Variants in GRIP2 observed in about 807,000 individuals in gnomAD.
GRIP2 encodes the protein glutamate receptor-interacting protein 2.
Under a neutral mutation model 108.3 loss-of-function variants are expected in GRIP2, and 58 were observed. The ratio of observed to expected loss-of-function variants is 0.54; its 90% CI spans 0.43 to 0.67. The LOEUF (loss-of-function observed/expected upper bound fraction) is 0.67. Ranked by LOEUF, GRIP2 falls within the 30% of genes least tolerant of loss-of-function variation. The pLI is 0.00. For synonymous variants in GRIP2, 586 were observed against 598.2 expected (o/e 0.98, Z 0.30); for missense variants, 1,278 against 1,430.6 (o/e 0.89, Z 1.72).
Position 14,493,634 on chromosome 3 carries a change from G to A in GRIP2, c.*31C>T. On this transcript the variant is annotated 3_prime_UTR_variant, in exon 24 of 24. Coordinates refer to ENST00000621039, the MANE Select transcript of GRIP2 (RefSeq NM_001080423.4). ...CTGGGAGCCAGGATCTGCCTGGGTG[G>A]CCCCTTAGGAGTTCGGCCCACATGC... 1 of 1,544,172 alleles carries A rather than the reference G, an allele frequency of 6.5e-7. No individual in the cohort carries two copies. Among genetic ancestry groups the A allele is most frequent in the Non-Finnish European group, 8.8e-7 (1 of 1,139,566 alleles).
chr3:14,591,287 G>A, the GRIP2 span, among the ~76,000 whole-genome samples: 2 of 152,250 alleles, frequency 1.3e-5, no homozygotes, highest in African/African-American at 2.4e-5. Flanking sequence ...CACTCCTGTG[G>A]TATTAATATT....
Position 14,537,104 on chromosome 3 carries a change from T to G in GRIP2, c.40+3165A>C, listed in dbSNP as rs1317804079. 2.6e-5 allele frequency among the ~76,000 whole-genome samples: 4 copies of G among 152,184 alleles called. No individual in the cohort carries two copies. The East Asian group carries it at 7.7e-4, about 29-fold the overall frequency. Reference sequence around the variant, plus strand: ...TTTGACCCTATGGGCCCACCCCACCTTGGCAACTGCACTCTAAAGGGAGGT... The same window carrying G: ...TTTGACCCTATGGGCCCACCCCACCGTGGCAACTGCACTCTAAAGGGAGGT... On this transcript the variant is annotated intron_variant, in intron 1 of 23. Transcript: ENST00000621039.
rs1286708718 is a variant in GRIP2, at chr3:14,521,763, G to T, written c.591C>A (p.Asp197Glu). ...ADREGSLKVGDRLLSVDGIPL... is the reference protein window; with the variant it reads ...ADREGSLKVGERLLSVDGIPL... Reference sequence around the variant, plus strand: ...GGATTCCATCGACACTGAGCAGCCTGTCGCCCACCTTCAGGGAGCCCTCCC... The same window carrying T: ...GGATTCCATCGACACTGAGCAGCCTTTCGCCCACCTTCAGGGAGCCCTCCC... The change falls in exon 7 of 24, where the codon GAC becomes GAA. Residue 197 changes from aspartate to glutamate, a missense_variant. Physicochemically the swap from Asp to Glu is conservative, Grantham distance 45. Coordinates refer to ENST00000621039, the MANE Select transcript of GRIP2 (RefSeq NM_001080423.4). The surrounding 1 kb of genome is among the most constrained non-coding windows in gnomAD (Gnocchi z 5.1). The T allele has an allele frequency of 6.2e-7, 1 of 1,605,408 alleles. No homozygotes were observed. The highest frequency in any genetic ancestry group is 1.3e-5 in the African/African-American group (1 of 74,776).
rs375887985 is a variant in GRIP2 at position 14,525,869 on chromosome 3, G to C, written c.103C>G (p.Arg35Gly). 3 of 1,559,448 alleles carry C rather than the reference G, an allele frequency of 1.9e-6. No individual in the cohort carries two copies. The highest frequency in any genetic ancestry group is 1.4e-5 in the African/African-American group (1 of 73,430). Residue 35 changes from arginine to glycine, a missense_variant, in exon 2 of 24, where the codon CGC becomes GGC. Arg to Gly is a moderately radical substitution (Grantham distance 125). Transcript: ENST00000621039. ...AGGADVSLAC[R>G]RQSIPEEFRG... The stretch of plus-strand genomic sequence containing the variant: ...TCATTACCTGGAATGCTCTGTCTGC[G>C]GCACGCCAGGGAAACGTCGGCCCCT...
chr3:14,566,179 C>T, the GRIP2 span, among the ~76,000 whole-genome samples: 26,250 of 152,152 alleles, frequency 0.17, 2,440 homozygotes, highest in Middle Eastern at 0.29. Context: ...AACGAGCCAC[C>T]GTAGTGTGGG....
At chr3:14,542,658 C>A (rs1291417668), upstream of GRIP2, among the ~76,000 whole-genome samples, 3 of 152,196 alleles carry the variant, frequency 2.0e-5, no homozygotes, top group African/African-American at 7.2e-5. Flanking sequence ...GCTTCTGTGG[C>A]GTTTCTCTGA....
chr3:14,522,970 A>C lies in GRIP2; in HGVS notation c.566+30T>G. The C allele has an allele frequency of 1.3e-6, 2 of 1,594,948 alleles. No individual in the cohort carries two copies. The highest frequency in any genetic ancestry group is 1.7e-6 in the Non-Finnish European group (2 of 1,162,654). On this transcript the variant is annotated intron_variant, in intron 6 of 23. Coordinates refer to ENST00000621039, the MANE Select transcript of GRIP2 (RefSeq NM_001080423.4). The surrounding 1 kb of genome is among the most constrained non-coding windows in gnomAD (Gnocchi z 4.3). ...CAGGGGAGTTGGGGCAGGTCAGTGC[A>C]GTGTGTGGATTTCTTCTGCCTCGGC... is the stretch of plus-strand genomic sequence containing the variant.
chr3:14,541,960 G>A, upstream of GRIP2: 2 of 1,350,204 alleles, frequency 1.5e-6, no homozygotes, highest in Non-Finnish European at 2.0e-6. Context: ...AGGCCACTCT[G>A]GAGCAGTCTT....
chr3:14,559,813 T>C (rs546250592), upstream of GRIP2, among the ~76,000 whole-genome samples: 1 of 152,256 alleles, frequency 6.6e-6, no homozygotes, highest in Admixed American at 6.5e-5. Flanking sequence ...TGAGCCTCAG[T>C]TTCCCCGTCT....
At chr3:14,543,255 G>A (rs1450871737), upstream of GRIP2, among the ~76,000 whole-genome samples, 5 of 152,218 alleles carry the variant, frequency 3.3e-5, no homozygotes, top group African/African-American at 9.6e-5. Flanking sequence ...TGTCAGACAC[G>A]CAGATGCTCG....
chr3:14,520,017 G>C, intron 9 of GRIP2, 93 bp downstream of exon 9: 3 of 1,234,242 alleles, frequency 2.4e-6, no homozygotes, highest in Non-Finnish European at 3.3e-6. Flanking sequence ...ATTTTAGCCT[G>C]CTCCTCCCAG....
chr3:14,587,456 T>A, the GRIP2 span, among the ~76,000 whole-genome samples: 22 of 151,926 alleles, frequency 1.4e-4, no homozygotes, highest in Non-Finnish European at 2.4e-4. Flanking sequence ...CATAGTGACA[T>A]AGTGAAACTC....
At chr3:14,585,335 T>G in the GRIP2 span, among the ~76,000 whole-genome samples, 89 of 152,364 alleles carry the variant, frequency 5.8e-4, no homozygotes, top group Non-Finnish European at 1.2e-3. Flanking sequence ...TATGGAGATT[T>G]CAGCATAAAA....
At chr3:14,590,082 A>C in the GRIP2 span, among the ~76,000 whole-genome samples, 1 of 152,118 alleles carries the variant, frequency 6.6e-6, no homozygotes, top group African/African-American at 2.4e-5. Flanking sequence ...GTGAGCCACC[A>C]CACCCAGCTA....
At chr3:14,558,912 A>C (rs1695278330), upstream of GRIP2, among the ~76,000 whole-genome samples, 1 of 152,174 alleles carries the variant, frequency 6.6e-6, no homozygotes, top group Non-Finnish European at 1.5e-5. Context: ...ACCTCGCCCT[A>C]CCTGCCACCT....
chr3:14,547,250 GA>G (rs1382134322), intron 1 of GRIP2, among the ~76,000 whole-genome samples: 1 of 152,220 alleles, frequency 6.6e-6, no homozygotes, highest in Non-Finnish European at 1.5e-5. Flanking sequence ...TTTATGTATT[GA>G]AATGTGGTGT....
chr3:14,577,183 T>C, the GRIP2 span, among the ~76,000 whole-genome samples: 1 of 152,264 alleles, frequency 6.6e-6, no homozygotes, highest in East Asian at 1.9e-4. Flanking sequence ...ATTTTTACTG[T>C]GCACAGTTTT....
At chr3:14,520,610 CT>C (rs1694381798) in intron 7 of GRIP2, 73 bp from the exon 8 acceptor site, 2 of 1,507,126 alleles carry the variant, frequency 1.3e-6, no homozygotes, top group African/African-American at 1.4e-5. Flanking sequence ...CCCTGCTATC[CT>C]GATTTAATCC....
intron 1 of GRIP2, among the ~76,000 whole-genome samples, chr3:14,550,838 G>A (rs1344097366): frequency 1.3e-5 from 2 of 152,180 alleles, no homozygotes; most frequent in African/African-American, 4.8e-5. Context: ...CAAGGATCTT[G>A]CCCAAGGTCA....
Sources: gnomAD v4.1 joint callset for allele counts (sites outside exome capture counted in the v4.1 genomes callset) on GRCh38, gnomAD v4.1.1 for gene constraint, Gnocchi (gnomAD v3.1) non-coding constraint, MANE v1.5 for transcripts, NCBI Gene and HGNC (gene_info 2026-07-23, HGNC 2026-07-21) for gene names.